The following COBLL1 variants were observed in gnomAD, a reference collection of about 807,000 sequenced individuals.
COBLL1 encodes cordon-bleu protein-like 1.
Under a neutral mutation model 94.8 loss-of-function variants are expected in COBLL1, and 50 were observed. The observed-to-expected ratio is 0.53, with a 90% CI of 0.42 to 0.67. COBLL1 has a LOEUF of 0.67. Among genes scored for constraint, COBLL1 ranks in the 30% least tolerant of loss-of-function variants. The pLI is 0.00. For missense variants in COBLL1, 1,362 were observed against 1,348.7 expected, an observed-to-expected ratio of 1.01 and a Z score of -0.15; for synonymous variants, 448 against 473.8, an observed-to-expected ratio of 0.95 and a Z score of 0.71.
intron 2 of COBLL1, among the ~76,000 whole-genome samples, chr2:164,833,976 C>T (rs1559059912): frequency 6.6e-6 from 1 of 152,028 alleles, no homozygotes; most frequent in East Asian, 1.9e-4. Flanking sequence ...AGTTTGTATT[C>T]AAAACTGAAG....
chr2:164,765,505 T>G (rs1324878855), intron 2 of COBLL1, among the ~76,000 whole-genome samples: 1 of 152,196 alleles, frequency 6.6e-6, no homozygotes, highest in African/African-American at 2.4e-5. Context: ...TAAATTTCCT[T>G]ATCTGTTACG....
At chr2:164,832,525 A>G (rs1159685173) in intron 2 of COBLL1, among the ~76,000 whole-genome samples, 1 of 152,152 alleles carries the variant, frequency 6.6e-6, no homozygotes, top group Non-Finnish European at 1.5e-5. Context: ...TTGAACCCAA[A>G]CTACTATATA....
intron 2 of COBLL1, among the ~76,000 whole-genome samples, chr2:164,833,417 T>C (rs750648363): frequency 6.6e-6 from 1 of 151,402 alleles, no homozygotes; most frequent in Non-Finnish European, 1.5e-5. Context: ...TTCTATGAGT[T>C]GAGCTTAATA....
intron 3 of COBLL1, among the ~76,000 whole-genome samples, chr2:164,737,594 T>TA (rs769019923): frequency 3.7e-4 from 56 of 149,834 alleles, no homozygotes; most frequent in African/African-American, 7.8e-4. Context: ...TTTTGACAGT[T>TA]AAAAAAAAAT....
At position 164,722,454 on chromosome 2, in the gene COBLL1, A is replaced by G. The variant is rs1349683704; in HGVS notation, c.730T>C (p.Phe244Leu). 2.0e-6 allele frequency: 3 copies of G among 1,528,056 alleles called. No homozygotes were observed. Among genetic ancestry groups the G allele is most frequent in the Non-Finnish European group, 2.6e-6 (3 of 1,141,060 alleles). The allele number at this position is 1,528,056 out of a possible 1,614,324, so 94.7% of individuals were successfully genotyped here. Residue 244 changes from phenylalanine to leucine, a missense_variant, in exon 6 of 14, where the codon TTT becomes CTT. Physicochemically the swap from Phe to Leu is conservative, Grantham distance 22. Coordinates refer to ENST00000652658, the MANE Select transcript of COBLL1 (RefSeq NM_001365672.2). ...EKENKGFFSF[F>L]QRSKKKRDQT... ...TCTCGCTTTTTCTTACTGCGTTGAA[A>G]AAAACTGAAAAACCCTTTATTTTCT...
At chr2:164,703,078 C>T (rs760203226) in intron 9 of COBLL1, 4 of 1,394,280 alleles carry the variant, frequency 2.9e-6, no homozygotes, top group Non-Finnish European at 4.1e-6. Context: ...CACAAAGCAC[C>T]AGCCAGGAAA....
At chr2:164,748,002 C>T (rs1686954226) in intron 2 of COBLL1, among the ~76,000 whole-genome samples, 1 of 151,904 alleles carries the variant, frequency 6.6e-6, no homozygotes, top group Non-Finnish European at 1.5e-5. Context: ...AAATTTAGGT[C>T]AGTGAAAGCC....
intron 2 of COBLL1, among the ~76,000 whole-genome samples, chr2:164,800,714 C>T (rs1683731253): frequency 2.0e-5 from 3 of 152,054 alleles, no homozygotes. Context: ...CAAAATACTA[C>T]ACTTAGCTAT....
rs1162808862 is a variant in COBLL1 at position 164,730,006 on chromosome 2, G to T, written c.340C>A (p.Pro114Thr). Residue 114 changes from proline to threonine, a missense_variant, in exon 4 of 14, where the codon CCA becomes ACA. By Grantham distance (38) the Pro-to-Thr change is conservative. Transcript: ENST00000652658. ...SAEQNHIKFK[P>T]NTPIGMLEVE... Reference sequence around the variant, plus strand: ...TCCAACATTCCTATTGGTGTGTTTGGCTTAAATTTAATGTGGTTCTGTTCA... The same window carrying T: ...TCCAACATTCCTATTGGTGTGTTTGTCTTAAATTTAATGTGGTTCTGTTCA... The T allele has an allele frequency of 5.0e-6, 8 of 1,613,800 alleles. No individual in the cohort carries two copies. The highest frequency in any genetic ancestry group is 6.8e-6 in the Non-Finnish European group (8 of 1,179,960).
At chr2:164,801,237 A>C (rs1379742435) in intron 2 of COBLL1, among the ~76,000 whole-genome samples, 5 of 151,554 alleles carry the variant, frequency 3.3e-5, no homozygotes, top group Non-Finnish European at 7.4e-5. Flanking sequence ...CAGGAGATCG[A>C]GACCATCCTG....
intron 1 of COBLL1, among the ~76,000 whole-genome samples, chr2:164,669,887 G>A (rs1691218277): frequency 6.6e-6 from 1 of 152,200 alleles, no homozygotes; most frequent in Non-Finnish European, 1.5e-5. Flanking sequence ...ACACAGTAAA[G>A]CATTAAGTAA....
At position 164,729,974 on chromosome 2, in the gene COBLL1, C is replaced by T. The variant is rs142071657; in HGVS notation, c.372G>A (p.Glu124=). The T allele has an allele frequency of 2.1e-5, 34 of 1,613,898 alleles. No homozygotes were observed. Among genetic ancestry groups the T allele is most frequent in the Non-Finnish European group, 2.8e-5 (33 of 1,179,974 alleles). ...PNTPIGMLEV[E]KVILKPKMLD... Reference sequence around the variant, plus strand: ...ACATTTTTGGCTTTAAAATTACCTTCTCTACCTCCAACATTCCTATTGGTG... The same window carrying T: ...ACATTTTTGGCTTTAAAATTACCTTTTCTACCTCCAACATTCCTATTGGTG... Residue 124 remains glutamate, a synonymous_variant, in exon 4 of 14, where the codon GAG becomes GAA. Coordinates refer to ENST00000652658, the MANE Select transcript of COBLL1 (RefSeq NM_001365672.2).
At chr2:164,719,982 C>T (rs1171970083) in intron 7 of COBLL1, among the ~76,000 whole-genome samples, 2 of 151,192 alleles carry the variant, frequency 1.3e-5, no homozygotes, top group Non-Finnish European at 3.0e-5. Context: ...GGTTCAAGAC[C>T]AAGGAAGAAA....
chr2:164,825,473 G>C (rs1685378824), intron 2 of COBLL1, among the ~76,000 whole-genome samples: 1 of 152,108 alleles, frequency 6.6e-6, no homozygotes, highest in African/African-American at 2.4e-5. Context: ...TTGAGATTTT[G>C]ATAGCAGCCA....
intron 3 of COBLL1, among the ~76,000 whole-genome samples, chr2:164,739,105 G>T (rs1159034503): frequency 6.6e-6 from 1 of 152,124 alleles, no homozygotes; most frequent in Non-Finnish European, 1.5e-5. Context: ...AATGTAAGCA[G>T]AGCCTCACAA....
chr2:164,781,223 C>CT (rs1252164687), intron 2 of COBLL1, among the ~76,000 whole-genome samples: 1 of 152,132 alleles, frequency 6.6e-6, no homozygotes, highest in Non-Finnish European at 1.5e-5. Context: ...ATTAGACTTT[C>CT]TTTTTTAACC....
At chr2:164,803,245 T>C (rs1364472396) in intron 2 of COBLL1, among the ~76,000 whole-genome samples, 1 of 152,196 alleles carries the variant, frequency 6.6e-6, no homozygotes, top group East Asian at 1.9e-4. Flanking sequence ...GTGATATCTT[T>C]AAAAGCGTTA....
At chr2:164,742,028 G>A (rs1448546766) in intron 3 of COBLL1, among the ~76,000 whole-genome samples, 1 of 152,068 alleles carries the variant, frequency 6.6e-6, no homozygotes, top group Non-Finnish European at 1.5e-5. Context: ...ATTCTCTGGT[G>A]GAAACAGGAA....
chr2:164,779,967 T>G (rs1559008536), intron 2 of COBLL1, among the ~76,000 whole-genome samples: 1 of 152,296 alleles, frequency 6.6e-6, no homozygotes, highest in East Asian at 1.9e-4. Flanking sequence ...TCATGAATTT[T>G]AAAATATTTT....
Sources: gnomAD v4.1 joint callset for allele counts (sites outside exome capture counted in the v4.1 genomes callset) on GRCh38, gnomAD v4.1.1 for gene constraint, MANE v1.5 for transcripts, NCBI Gene and HGNC (gene_info 2026-07-23, HGNC 2026-07-21) for gene names.